Variants in KCNAB2 observed in about 807,000 individuals in gnomAD.
KCNAB2 encodes voltage-gated potassium channel subunit beta-2.
Under a neutral mutation model 63.6 loss-of-function variants are expected in KCNAB2, and 29 were observed. The ratio of observed to expected loss-of-function variants is 0.46; its 90% CI spans 0.34 to 0.62. The LOEUF (loss-of-function observed/expected upper bound fraction) is 0.62. Ranked by LOEUF, KCNAB2 falls within the 20% of genes least tolerant of loss-of-function variation. The probability of loss-of-function intolerance (pLI) is 0.01; values close to 1 mark genes in which losing one functional copy is unlikely to be tolerated. For synonymous variants in KCNAB2, 222 were observed against 224.2 expected (o/e 0.99, Z 0.09); for missense variants, 359 against 563.9 (o/e 0.64, Z 3.68).
At chr1:6,037,830 G>A (rs1660168522) in intron 1 of KCNAB2, among the ~76,000 whole-genome samples, 1 of 151,290 alleles carries the variant, frequency 6.6e-6, no homozygotes, top group African/African-American at 2.4e-5. Context: ...CAAAGTTCTG[G>A]GATTACAGGC....
At position 6,087,532 on chromosome 1, in the gene KCNAB2, T is replaced by C. The variant is rs1393923549; in HGVS notation, c.470+21T>C. 4 of 1,613,680 alleles carry C rather than the reference T, an allele frequency of 2.5e-6. No individual in the cohort carries two copies. The highest frequency in any genetic ancestry group is 3.4e-6 in the Non-Finnish European group (4 of 1,179,782). ...GGAAAGTAGGTGCAACAGCTGGCGA[T>C]GCTTCCAGCCCCGGCCCAGCAGCCA... On this transcript the variant is annotated intron_variant, in intron 7 of 15. Transcript: ENST00000378083. The surrounding 1 kb of genome is among the most constrained non-coding windows in gnomAD (Gnocchi z 6.4).
rs185545906 is a variant in KCNAB2, at chr1:6,084,613, C to T, written c.381-591C>T. On this transcript the variant is annotated intron_variant, in intron 5 of 15. Transcript: ENST00000378083. ...GGCGGATCACTCGAGATGAGGAGTTCGAGACCAGCCTGGCCAACATAGTGA... is the reference window on the plus strand; with the variant it reads ...GGCGGATCACTCGAGATGAGGAGTTTGAGACCAGCCTGGCCAACATAGTGA... Among the ~76,000 whole-genome samples the T allele has an allele frequency of 4.1e-3, 617 of 152,234 alleles. 2 individuals carry two copies. Among genetic ancestry groups the T allele is most frequent in the African/African-American group, 7.3e-3 (304 of 41,542 alleles).
chr1:6,001,080 C>T (rs1313845970), intron 1 of KCNAB2, among the ~76,000 whole-genome samples: 1 of 152,116 alleles, frequency 6.6e-6, no homozygotes, highest in Non-Finnish European at 1.5e-5. Context: ...CAGGGCACTG[C>T]AGGGAGAGGG....
intron 1 of KCNAB2, chr1:6,026,503 G>C (rs1228556666): frequency 6.6e-6 from 1 of 152,368 alleles, no homozygotes; most frequent in East Asian, 1.9e-4. Context: ...TCTGACGGGT[G>C]GGCAGCCTCA....
At position 6,100,167 on chromosome 1, in the gene KCNAB2, AAGGCCT is replaced by A; in HGVS notation, c.*1594_*1599del. On this transcript the variant is annotated 3_prime_UTR_variant, in exon 16 of 16. Transcript: ENST00000378083. ...CCTGCTGTCCAGTCCTGGCCGGGCC[AAGGCCT>A]GGGAAACTGTGAAAGTCAGAAAGGC... 7.7e-7 allele frequency: 1 copy of A among 1,290,528 alleles called. No individual in the cohort carries two copies. Among genetic ancestry groups the A allele is most frequent in the Non-Finnish European group, 1.0e-6 (1 of 987,936 alleles). 79.9% of individuals were successfully genotyped at this position (1,290,528 alleles called of 1,614,324 possible).
intron 2 of KCNAB2, among the ~76,000 whole-genome samples, chr1:6,055,594 G>T (rs1228956291): frequency 6.6e-6 from 1 of 152,160 alleles, no homozygotes. Flanking sequence ...GACCTCAGGT[G>T]ATCTGCCCAC....
In KCNAB2 at chr1:6,085,292, G is replaced by A. The variant is rs1349401832; in HGVS notation, c.425+44G>A. ...GCGGCCTGTCCCTGGGGTGGGTGCG[G>A]GCGAACTATCCCAGGGTCAGCCTCG... On this transcript the variant is annotated intron_variant, in intron 6 of 15. Transcript: ENST00000378083. 4 of 1,581,868 alleles carry A rather than the reference G, an allele frequency of 2.5e-6. 1 individual carries two copies. The highest frequency in any genetic ancestry group is 4.5e-5 in the East Asian group (2 of 44,704).
At chr1:6,065,550 G>A (rs902498735) in intron 2 of KCNAB2, among the ~76,000 whole-genome samples, 5 of 152,114 alleles carry the variant, frequency 3.3e-5, no homozygotes, top group Admixed American at 6.5e-5. Flanking sequence ...CAGTCACAGC[G>A]GCCCTGCGCA....
At chr1:6,080,288 C>A (rs1411611883) in intron 4 of KCNAB2, among the ~76,000 whole-genome samples, 1 of 152,170 alleles carries the variant, frequency 6.6e-6, no homozygotes, top group Non-Finnish European at 1.5e-5. Context: ...AGCCACCCGT[C>A]TGTCCGTGCT....
upstream of KCNAB2, among the ~76,000 whole-genome samples, chr1:6,045,265 G>A (rs769572440): frequency 4.2e-4 from 64 of 152,168 alleles, no homozygotes; most frequent in African/African-American, 1.4e-3. This position sits in a 1 kb window ranked among gnomAD's most constrained non-coding sequence, Gnocchi z 4.8. Context: ...ATTCACTGGC[G>A]CGCTTTCTCA....
chr1:6,019,699 G>T (rs565720973), intron 1 of KCNAB2, among the ~76,000 whole-genome samples: 51 of 152,220 alleles, frequency 3.4e-4, no homozygotes, highest in Middle Eastern at 3.2e-3. Flanking sequence ...CGAGGGTCCA[G>T]TGTCACAGCC....
At chr1:6,079,013 T>C in intron 4 of KCNAB2, among the ~76,000 whole-genome samples, 1 of 152,170 alleles carries the variant, frequency 6.6e-6, no homozygotes, top group East Asian at 1.9e-4. Context: ...ACGGGTCAGA[T>C]TCTGGACTAA....
chr1:6,079,510 C>T (rs1353135595), intron 4 of KCNAB2, among the ~76,000 whole-genome samples: 8 of 147,064 alleles, frequency 5.4e-5, no homozygotes, highest in Non-Finnish European at 1.1e-4. Flanking sequence ...CAGAATGAGA[C>T]TCCATCTCCC....
chr1:6,013,235 C>T (rs1022360826), intron 1 of KCNAB2, among the ~76,000 whole-genome samples: 5 of 152,146 alleles, frequency 3.3e-5, no homozygotes, highest in East Asian at 1.9e-4. Flanking sequence ...CAGCAGGAAA[C>T]GAGACAGACC....
chr1:5,995,690 G>A (rs1278313458), intron 1 of KCNAB2, among the ~76,000 whole-genome samples: 2 of 152,180 alleles, frequency 1.3e-5, no homozygotes, highest in Non-Finnish European at 2.9e-5. Flanking sequence ...ATGAAGGAAA[G>A]GAGGGACCCT....
chr1:6,072,658 T>C, intron 2 of KCNAB2, 97 bp from the exon 3 acceptor site: 1 of 1,291,994 alleles, frequency 7.7e-7, no homozygotes, highest in Non-Finnish European at 1.1e-6. Flanking sequence ...CATTGACTGT[T>C]GGGGGAGTGG....
At chr1:6,067,005 C>T (rs1168404338) in intron 2 of KCNAB2, among the ~76,000 whole-genome samples, 2 of 152,218 alleles carry the variant, frequency 1.3e-5, no homozygotes, top group Admixed American at 6.5e-5. Context: ...TCTTCCCTGC[C>T]GGGGCCTTTC....
At chr1:6,094,021 C>G (rs1665411089) in intron 10 of KCNAB2, among the ~76,000 whole-genome samples, 1 of 152,128 alleles carries the variant, frequency 6.6e-6, no homozygotes, top group Admixed American at 6.5e-5. Context: ...CCTGAGTGAT[C>G]GGGGCCCTCG....
intron 1 of KCNAB2, among the ~76,000 whole-genome samples, chr1:6,017,013 C>T (rs1658544514): frequency 6.6e-6 from 1 of 152,122 alleles, no homozygotes; most frequent in Non-Finnish European, 1.5e-5. Context: ...CTAAAACTCA[C>T]CCACAAAATA....
Sources: allele counts gnomAD v4.1 joint callset (sites outside exome capture counted in the v4.1 genomes callset), GRCh38; gene constraint gnomAD v4.1.1; non-coding constraint Gnocchi (gnomAD v3.1); transcripts MANE v1.5; gene names NCBI Gene and HGNC (gene_info 2026-07-23, HGNC 2026-07-21).